Variants in ENOSF1 observed in about 807,000 individuals in gnomAD.
ENOSF1 encodes mitochondrial enolase superfamily member 1.
ENOSF1 carries 73 observed loss-of-function variants against 68.2 expected under a neutral mutation model. The observed-to-expected ratio is 1.07, with a 90% CI of 0.89 to 1.30. ENOSF1 has a LOEUF of 1.30. Among genes scored for constraint, ENOSF1 ranks in the 50% most tolerant of loss-of-function variants. ENOSF1 has a pLI of 0.00. For missense variants in ENOSF1, 589 were observed against 554.5 expected (o/e 1.06, Z -0.62); for synonymous variants, 223 against 210.4 (o/e 1.06, Z -0.52).
chr18:701,994 T>C (rs545657277), intron 2 of ENOSF1, among the ~76,000 whole-genome samples: 83 of 151,736 alleles, frequency 5.5e-4, no homozygotes, highest in South Asian at 4.6e-3. Context: ...TGGTGGCTTA[T>C]AGCTTATGCC....
Position 675,328 on chromosome 18 carries a change from G to A in ENOSF1, c.1223C>T (p.Pro408Leu). 6.2e-7 allele frequency: 1 copy of A among 1,611,156 alleles called. No homozygotes were observed. The highest frequency in any genetic ancestry group is 8.5e-7 in the Non-Finnish European group (1 of 1,179,190). The part of the protein sequence containing the change: ...PVMIQRASYM[P>L]PKDPGYSTEM... ...CCTCAGGCCACAGCTTACCTTGGGAGGCATGTAGGAAGCCCGCTGGATCAT... is the reference window on the plus strand; with the variant it reads ...CCTCAGGCCACAGCTTACCTTGGGAAGCATGTAGGAAGCCCGCTGGATCAT... The change falls in exon 15 of 16, where the codon CCT becomes CTT. Residue 408 changes from proline (P) to leucine (L), a missense_variant. Coordinates refer to ENST00000647584, the MANE Select transcript of ENOSF1 (RefSeq NM_017512.7).
chr18:667,992 A>ATTTTTTTTT (rs60409589), downstream of ENOSF1, among the ~76,000 whole-genome samples: 36 of 105,362 alleles, frequency 3.4e-4, 1 homozygote, highest in African/African-American at 1.1e-3. Context: ...ATTCACAGGA[A>ATTTTTTTTT]TTTTTTTTTT....
Position 673,211 on chromosome 18 carries a change from G to GT in ENOSF1, c.*1093dup, listed in dbSNP as rs1409631048. Reference sequence around the variant, plus strand: ...AAGGCTTTGAGTTAACTCACTGAGGGTATCTGACAATGCTGAGGTTATGAA... The same window carrying GT: ...AAGGCTTTGAGTTAACTCACTGAGGGTTATCTGACAATGCTGAGGTTATGAA... On this transcript the variant is annotated 3_prime_UTR_variant, in exon 16 of 16. Transcript: ENST00000647584. The GT allele has an allele frequency of 1.2e-5, 5 of 425,118 alleles. No homozygotes were observed. Among genetic ancestry groups the GT allele is most frequent in the Non-Finnish European group, 2.1e-5 (5 of 243,126 alleles). The allele number at this position is 425,118 out of a possible 1,614,324, so 26.3% of individuals were successfully genotyped here. A position where few individuals can be genotyped will look rare whatever the true frequency, so the allele number is the denominator to read the frequency against.
chr18:669,033 A>G (rs2074923488), downstream of ENOSF1: 1 of 1,533,158 alleles, frequency 6.5e-7, no homozygotes, highest in East Asian at 2.3e-5. Flanking sequence ...ATGTGTGATT[A>G]ATGTATGTAC....
At chr18:685,285 A>T (rs570319708) in intron 10 of ENOSF1, among the ~76,000 whole-genome samples, 8 of 152,166 alleles carry the variant, frequency 5.3e-5, no homozygotes, top group African/African-American at 1.9e-4. Flanking sequence ...GATTACAGGC[A>T]TGAGCCACAG....
At chr18:680,604 C>T (rs1416519354) in intron 11 of ENOSF1, among the ~76,000 whole-genome samples, 3 of 152,022 alleles carry the variant, frequency 2.0e-5, no homozygotes, top group African/African-American at 7.2e-5. Context: ...CCCACACACC[C>T]TCTGTCTCAA....
chr18:711,163 C>A (rs1487402720), intron 1 of ENOSF1, among the ~76,000 whole-genome samples: 1 of 151,490 alleles, frequency 6.6e-6, no homozygotes, highest in African/African-American at 2.4e-5. Flanking sequence ...GATAAGAGAC[C>A]CTGCCTCAAA....
At chr18:682,412 T>C (rs2076164241) in intron 11 of ENOSF1, among the ~76,000 whole-genome samples, 1 of 152,172 alleles carries the variant, frequency 6.6e-6, no homozygotes, top group Admixed American at 6.5e-5. Flanking sequence ...CACATTACAA[T>C]CTCTACAACG....
chr18:679,671 A>C (rs2075883441), intron 11 of ENOSF1, among the ~76,000 whole-genome samples: 1 of 151,998 alleles, frequency 6.6e-6, no homozygotes, highest in South Asian at 2.1e-4. Context: ...CTGGTGAGGT[A>C]CTGGACTCTG....
intron 5 of ENOSF1, chr18:692,814 C>T (rs991627959): frequency 1.6e-5 from 17 of 1,041,282 alleles, no homozygotes; most frequent in South Asian, 1.0e-4. Flanking sequence ...CCTTCCCCTA[C>T]GGATGGCCCG....
intron 7 of ENOSF1, 65 bp from the exon 8 acceptor site, chr18:690,696 G>A (rs1447030282): frequency 2.6e-6 from 3 of 1,145,534 alleles, no homozygotes; most frequent in African/African-American, 4.6e-5. Flanking sequence ...GGAAGTGCCT[G>A]TAGCTAAGCT....
In ENOSF1 at chr18:674,066, T is replaced by G; in HGVS notation, c.*239A>C. 2.8e-6 allele frequency: 1 copy of G among 353,984 alleles called. No individual in the cohort carries two copies. Among genetic ancestry groups the G allele is most frequent in the Non-Finnish European group, 5.1e-6 (1 of 196,824 alleles). The allele number at this position is 353,984 out of a possible 1,614,324, so 21.9% of individuals were successfully genotyped here. A position where few individuals can be genotyped will look rare whatever the true frequency, so the allele number is the denominator to read the frequency against. On this transcript the variant is annotated 3_prime_UTR_variant, in exon 16 of 16. Coordinates refer to ENST00000647584, the MANE Select transcript of ENOSF1 (RefSeq NM_017512.7). ...TGATATAGCTATTTTTGTAAGAACA[T>G]CCTCCTGGACTTTGGGTTAGTTAAA...
chr18:704,440 GAAAAAA>G (rs11429267), intron 2 of ENOSF1, among the ~76,000 whole-genome samples: 1 of 97,240 alleles, frequency 1.0e-5, no homozygotes, highest in Middle Eastern at 7.1e-3. Context: ...AAAAAGAAAA[GAAAAAA>G]AAAAAAAAAA....
intron 1 of ENOSF1, among the ~76,000 whole-genome samples, chr18:709,494 C>T (rs1801657891): frequency 6.6e-6 from 1 of 152,030 alleles, no homozygotes; most frequent in African/African-American, 2.4e-5. Flanking sequence ...GAGGTAAGCC[C>T]GGAGTAGTGG....
chr18:692,393 G>T (rs1465543930), intron 5 of ENOSF1: 1 of 152,122 alleles, frequency 6.6e-6, no homozygotes, highest in African/African-American at 2.4e-5. Context: ...GATCACCTGA[G>T]GTCCGGAGTT....
Position 670,890 on chromosome 18 carries a change from A to T in ENOSF1, c.*3415T>A, listed in dbSNP as rs1598479489. 6.2e-6 allele frequency: 10 copies of T among 1,612,680 alleles called. 1 individual carries two copies. The highest frequency in any genetic ancestry group is 5.0e-5 in the Admixed American group (3 of 59,964). ...AAGGTGGGCTGTCTCGGGAAGGGTG[A>T]CTTGCCAGCCTACCACACTGAGCTC... On this transcript the variant is annotated 3_prime_UTR_variant, in exon 16 of 16. Transcript: ENST00000647584.
chr18:680,802 T>C (rs1296205978), intron 11 of ENOSF1, among the ~76,000 whole-genome samples: 9 of 149,240 alleles, frequency 6.0e-5, no homozygotes, highest in African/African-American at 2.2e-4. Flanking sequence ...TGCCTCAGCC[T>C]CCTGAGTAGC....
intron 2 of ENOSF1, among the ~76,000 whole-genome samples, chr18:703,912 G>A (rs1045632768): frequency 6.6e-6 from 1 of 152,072 alleles, no homozygotes; most frequent in Non-Finnish European, 1.5e-5. Flanking sequence ...GTGAGATCTG[G>A]TGACTTAAAA....
intron 11 of ENOSF1, among the ~76,000 whole-genome samples, chr18:679,829 C>T (rs1189554623): frequency 2.0e-5 from 3 of 152,190 alleles, no homozygotes; most frequent in Non-Finnish European, 2.9e-5. Flanking sequence ...AGCCTTGGTT[C>T]CTCCCTGGCT....
Sources: allele counts gnomAD v4.1 joint callset (sites outside exome capture counted in the v4.1 genomes callset), GRCh38; gene constraint gnomAD v4.1.1; transcripts MANE v1.5; gene names NCBI Gene and HGNC (gene_info 2026-07-23, HGNC 2026-07-21).